The following CCDC192 variants were observed in gnomAD, a reference collection of about 807,000 sequenced individuals.
CCDC192 encodes the protein coiled-coil domain containing 192.
Position 127,869,536 on chromosome 5 carries a change from T to A in CCDC192, c.412-6002T>A, listed in dbSNP as rs186006136. On this transcript the variant is annotated intron_variant, in intron 5 of 6. Coordinates refer to ENST00000514853, the MANE Select transcript of CCDC192 (RefSeq NM_001317938.2). ...TCTACTATTAGAAAGTTCTATCTTA[T>A]CACTGGAATTCATCCCAAGTGTAAG... Among the ~76,000 whole-genome samples the A allele has an allele frequency of 2.0e-5, 3 of 152,312 alleles. No homozygotes were observed. The East Asian group carries it at 5.8e-4, about 29-fold the overall frequency.
intron 3 of CCDC192, among the ~76,000 whole-genome samples, chr5:127,773,087 A>G (rs1159411256): frequency 2.6e-5 from 4 of 152,200 alleles, no homozygotes; most frequent in Admixed American, 2.6e-4. Flanking sequence ...TCAGTTTACT[A>G]GGAGAAAAAT....
intron 3 of CCDC192, chr5:127,787,012 A>G: frequency 3.0e-6 from 1 of 332,462 alleles, no homozygotes; most frequent in Non-Finnish European, 5.9e-6. Flanking sequence ...GCTTCAGGCC[A>G]TGGGGGTTCT....
At chr5:127,908,816 A>C (rs1010224058) in intron 6 of CCDC192, among the ~76,000 whole-genome samples, 1 of 152,190 alleles carries the variant, frequency 6.6e-6, no homozygotes, top group Non-Finnish European at 1.5e-5. Flanking sequence ...TTTGGCATCC[A>C]AGTTGAGATT....
At chr5:127,832,499 G>A (rs978985475) in intron 5 of CCDC192, among the ~76,000 whole-genome samples, 9 of 152,120 alleles carry the variant, frequency 5.9e-5, no homozygotes, top group Non-Finnish European at 1.2e-4. Flanking sequence ...CATAAAACAC[G>A]CCTGTGATAA....
chr5:127,747,857 G>C (rs1753873705), intron 2 of CCDC192, among the ~76,000 whole-genome samples: 1 of 148,972 alleles, frequency 6.7e-6, no homozygotes, highest in African/African-American at 2.5e-5. Context: ...CTGATGGCCA[G>C]TGATGGTGAG....
intron 6 of CCDC192, among the ~76,000 whole-genome samples, chr5:127,929,049 G>A (rs1753946062): frequency 6.6e-6 from 1 of 152,114 alleles, no homozygotes. Context: ...ACAGGCATGA[G>A]CCACCATGCC....
At chr5:127,848,283 A>G (rs561773714) in intron 5 of CCDC192, among the ~76,000 whole-genome samples, 2 of 152,316 alleles carry the variant, frequency 1.3e-5, no homozygotes, top group African/African-American at 2.4e-5. Context: ...TCATAAAACA[A>G]CTTCACAACA....
chr5:127,713,954 A>G (rs1751477263), intron 2 of CCDC192, among the ~76,000 whole-genome samples: 1 of 152,166 alleles, frequency 6.6e-6, no homozygotes, highest in Admixed American at 6.5e-5. Flanking sequence ...TATTCCTCCT[A>G]TCTAGCTATA....
At chr5:127,872,196 G>A (rs896718432) in intron 5 of CCDC192, among the ~76,000 whole-genome samples, 1 of 152,206 alleles carries the variant, frequency 6.6e-6, no homozygotes, top group Non-Finnish European at 1.5e-5. Context: ...ATTTTTAAAT[G>A]TATCTGAGTA....
chr5:127,702,409 C>A (rs1451837246), upstream of CCDC192, among the ~76,000 whole-genome samples: 2 of 152,210 alleles, frequency 1.3e-5, no homozygotes, highest in African/African-American at 2.4e-5. Context: ...CTATCCAGAA[C>A]AACAACCGCT....
intron 3 of CCDC192, among the ~76,000 whole-genome samples, chr5:127,760,701 C>CAA (rs56177728): frequency 0.028 from 1,493 of 53,180 alleles, 57 homozygotes; most frequent in African/African-American, 0.056. Flanking sequence ...GATTCTGTCT[C>CAA]AAAAAAAAAA....
chr5:127,820,463 C>G (rs192472981), intron 5 of CCDC192, among the ~76,000 whole-genome samples: 2 of 152,252 alleles, frequency 1.3e-5, no homozygotes, highest in East Asian at 1.9e-4. Context: ...TGCCTGTAAT[C>G]CCAGCTACTC....
chr5:127,903,905 T>G (rs573792382), intron 6 of CCDC192, among the ~76,000 whole-genome samples: 66 of 152,308 alleles, frequency 4.3e-4, no homozygotes, highest in Non-Finnish European at 8.8e-5. Context: ...AAAAAGTGGC[T>G]GTTACAGGTA....
intron 6 of CCDC192, among the ~76,000 whole-genome samples, chr5:127,897,150 A>G (rs1752916044): frequency 6.6e-6 from 1 of 152,076 alleles, no homozygotes; most frequent in East Asian, 1.9e-4. Flanking sequence ...GCTACACAGT[A>G]GTCTCCTCAC....
chr5:127,712,216 G>A (rs1489597346), intron 2 of CCDC192, among the ~76,000 whole-genome samples: 1 of 152,152 alleles, frequency 6.6e-6, no homozygotes, highest in African/African-American at 2.4e-5. Context: ...CGTTGTATTG[G>A]AGGTACCAAT....
chr5:127,756,858 G>A (rs1754629313), intron 3 of CCDC192, among the ~76,000 whole-genome samples: 1 of 152,228 alleles, frequency 6.6e-6, no homozygotes, highest in South Asian at 2.1e-4. Context: ...AAGCAAGATA[G>A]AGTTGGTTAG....
At chr5:127,924,077 C>G (rs551132439) in intron 6 of CCDC192, among the ~76,000 whole-genome samples, 36 of 152,182 alleles carry the variant, frequency 2.4e-4, no homozygotes, top group Non-Finnish European at 4.4e-4. Flanking sequence ...AATATATTCA[C>G]AGACAATATT....
At chr5:127,794,814 G>A (rs1463739833) in intron 3 of CCDC192, among the ~76,000 whole-genome samples, 2 of 151,956 alleles carry the variant, frequency 1.3e-5, no homozygotes, top group South Asian at 4.2e-4. Context: ...AACAGGATAT[G>A]GGAATAAAAT....
chr5:127,781,679 A>G (rs1483043430), intron 3 of CCDC192, among the ~76,000 whole-genome samples: 2 of 151,354 alleles, frequency 1.3e-5, no homozygotes, highest in African/African-American at 4.9e-5. Context: ...ATTTGTGTAC[A>G]CTAATTTTGT....
Sources: allele counts gnomAD v4.1 joint callset (sites outside exome capture counted in the v4.1 genomes callset), GRCh38; gene constraint gnomAD v4.1.1; transcripts MANE v1.5; gene names NCBI Gene and HGNC (gene_info 2026-07-23, HGNC 2026-07-21).